MYRF: variants seen among roughly 807,000 people sequenced by gnomAD.
MYRF encodes the protein myelin regulatory factor.
A neutral mutation model predicts 126.3 loss-of-function variants in MYRF; 16 were observed. The observed-to-expected ratio is 0.13, with a 90% CI of 0.09 to 0.19. The LOEUF is 0.19. Ranked by LOEUF, MYRF falls within the 10% of genes least tolerant of loss-of-function variation. The probability of loss-of-function intolerance (pLI) is 1.00; values close to 1 mark genes in which losing one functional copy is unlikely to be tolerated. For synonymous variants in MYRF, 608 were observed against 635.3 expected, an observed-to-expected ratio of 0.96 and a Z score of 0.65; for missense variants, 1,104 against 1,547.0, an observed-to-expected ratio of 0.71 and a Z score of 4.80.
rs1273506380 is a variant in MYRF, at chr11:61,771,878, C to T, written c.1041C>T (p.Asn347=). The change falls in exon 7 of 27, where the codon AAC becomes AAT. Residue 347 remains asparagine, a synonymous_variant. Coordinates refer to ENST00000278836, the MANE Select transcript of MYRF (RefSeq NM_001127392.3). ...DSLSGSYLDP[N]YQSIKWQPHQ... ...TCAGTGGCTCCTACCTGGACCCCAA[C>T]TACCAGTCCATCAAGTGGCAGCCTC... 1 of 1,614,160 alleles carries T rather than the reference C, an allele frequency of 6.2e-7. No homozygotes were observed. Among genetic ancestry groups the T allele is most frequent in the East Asian group, 2.2e-5 (1 of 44,884 alleles).
In MYRF at chr11:61,783,621, T is replaced by G; in HGVS notation, c.3119+21T>G. On this transcript the variant is annotated intron_variant, in intron 23 of 26. Transcript: ENST00000278836. The surrounding 1 kb of genome is among the most constrained non-coding windows in gnomAD (Gnocchi z 4.6). Reference sequence around the variant, plus strand: ...TGCAGGTGGGCTGGGCTCCCTCCCCTCACCCAGGGAGGTCCTCAGGTGACA... The same window carrying G: ...TGCAGGTGGGCTGGGCTCCCTCCCCGCACCCAGGGAGGTCCTCAGGTGACA... 1 of 1,595,412 alleles carries G rather than the reference T, an allele frequency of 6.3e-7. No individual in the cohort carries two copies. Among genetic ancestry groups the G allele is most frequent in the Non-Finnish European group, 8.6e-7 (1 of 1,164,170 alleles).
chr11:61,778,507 T>A lies in MYRF; in HGVS notation c.2013+18T>A, dbSNP rs183921101. On this transcript the variant is annotated intron_variant, in intron 14 of 26. Transcript: ENST00000278836. This position sits in a 1 kb window ranked among gnomAD's most constrained non-coding sequence, Gnocchi z 4.6. ...TGAACAAGGTCTGTGGGTGGGGGAA[T>A]GGGAGGGAGCCCAGAGGCAAGTGGG... 1.1e-3 allele frequency: 1,678 copies of A among 1,578,308 alleles called. 15 individuals carry two copies. In the African/African-American group the frequency reaches 0.019, roughly 18 times the overall value.
intron 22 of MYRF, chr11:61,782,504 G>A (rs2066578959): frequency 6.6e-6 from 1 of 152,296 alleles, no homozygotes; most frequent in South Asian, 2.1e-4. Context: ...TGAGCTGCCT[G>A]CCACTCTGTG....
chr11:61,778,942 C>T lies in MYRF; in HGVS notation c.2014-321C>T, dbSNP rs139043397. On this transcript the variant is annotated intron_variant, in intron 14 of 26. Coordinates refer to ENST00000278836, the MANE Select transcript of MYRF (RefSeq NM_001127392.3). This position sits in a 1 kb window ranked among gnomAD's most constrained non-coding sequence, Gnocchi z 4.6. Reference sequence around the variant, plus strand: ...GCTGACATCTGAGACACCAGTCATCCGAGGGGCAGATCCCGGGGCTGCAGC... The same window carrying T: ...GCTGACATCTGAGACACCAGTCATCTGAGGGGCAGATCCCGGGGCTGCAGC... 5.0e-4 allele frequency: 300 copies of T among 600,560 alleles called. 2 individuals are homozygous for T. The East Asian group carries it at 9.1e-3, about 18-fold the overall frequency. The allele number at this position is 600,560 out of a possible 1,614,324, so 37.2% of individuals were successfully genotyped here. A position where few individuals can be genotyped will look rare whatever the true frequency, so the allele number is the denominator to read the frequency against.
chr11:61,770,412 C>G lies in MYRF; in HGVS notation c.627C>G (p.Ala209=). Residue 209 remains alanine, a synonymous_variant, in exon 5 of 27, where the codon GCC becomes GCG. Transcript: ENST00000278836. ...TGCAGCGGGATCTGTACATGAAGGC[C>G]GAGCCCCCGATCCCCCACTACGCTG... The part of the protein sequence containing the change: ...PVLQRDLYMK[A]EPPIPHYAAM... 1.3e-6 allele frequency: 2 copies of G among 1,551,794 alleles called. No individual in the cohort carries two copies. The highest frequency in any genetic ancestry group is 1.4e-5 in the African/African-American group (1 of 73,334).
At chr11:61,752,896 G>A in intron 1 of MYRF, 106 bp downstream of exon 1, 1 of 1,148,804 alleles carries the variant, frequency 8.7e-7, no homozygotes, top group Non-Finnish European at 1.2e-6. Flanking sequence ...CCTCTGGCTG[G>A]GACCCTCCTT....
At chr11:61,774,619 C>T (rs926584924) in intron 8 of MYRF, among the ~76,000 whole-genome samples, 8 of 151,866 alleles carry the variant, frequency 5.3e-5, no homozygotes, top group East Asian at 1.9e-4. Context: ...CCCGCCCTCC[C>T]GCCTTTTATC....
chr11:61,761,232 C>G (rs938202992), intron 1 of MYRF, among the ~76,000 whole-genome samples: 6 of 144,020 alleles, frequency 4.2e-5, no homozygotes, highest in Non-Finnish European at 7.5e-5. Flanking sequence ...GGACAATGGC[C>G]GAGACTCAGC....
chr11:61,782,777 G>A (rs761495816), intron 22 of MYRF: 4 of 152,206 alleles, frequency 2.6e-5, no homozygotes, highest in African/African-American at 7.2e-5. Context: ...CTTCCATCTC[G>A]TCTGTATCTG....
chr11:61,785,728 C>T lies in MYRF; in HGVS notation c.3301-72C>T, dbSNP rs2066676674. 5.3e-6 allele frequency: 7 copies of T among 1,309,084 alleles called. No homozygotes were observed. In the South Asian group the frequency reaches 6.0e-5, roughly 11 times the overall value. The allele number at this position is 1,309,084 out of a possible 1,614,324, so 81.1% of individuals were successfully genotyped here. On this transcript the variant is annotated intron_variant, in intron 25 of 26. Coordinates refer to ENST00000278836, the MANE Select transcript of MYRF (RefSeq NM_001127392.3). Reference sequence around the variant, plus strand: ...CTCCCCACAGACCCCAGGACTGCGACGGCCGTGGTGAGAGATGCTGGTTGG... The same window carrying T: ...CTCCCCACAGACCCCAGGACTGCGATGGCCGTGGTGAGAGATGCTGGTTGG...
Position 61,776,124 on chromosome 11 carries a change from C to G in MYRF, c.1380C>G (p.Asn460Lys), listed in dbSNP as rs772564180. 4 of 1,614,072 alleles carry G rather than the reference C, an allele frequency of 2.5e-6. No individual in the cohort carries two copies. The highest frequency in any genetic ancestry group is 3.4e-6 in the Non-Finnish European group (4 of 1,179,958). Reference protein sequence around the residue: ...SQSDRSKRPFNPVTVNLPPEQ... With the variant: ...SQSDRSKRPFKPVTVNLPPEQ... Reference sequence around the variant, plus strand: ...CAGACCGGAGCAAGCGGCCCTTCAACCCGGTCACGTGAGTGTCTGACCCTG... The same window carrying G: ...CAGACCGGAGCAAGCGGCCCTTCAAGCCGGTCACGTGAGTGTCTGACCCTG... The change falls in exon 9 of 27, where the codon AAC (asparagine) becomes AAG (lysine). Residue 460 changes from asparagine (N) to lysine (K), a missense_variant. Transcript: ENST00000278836. This position sits in a 1 kb window ranked among gnomAD's most constrained non-coding sequence, Gnocchi z 4.3.
intron 25 of MYRF, 168 bp downstream of exon 25, chr11:61,784,553 C>T (rs796956581): frequency 1.5e-5 from 9 of 608,590 alleles, no homozygotes; most frequent in Middle Eastern, 4.4e-4. Context: ...GAGGGGCACG[C>T]GTGCCCGTGT....
At chr11:61,784,062 AT>A in intron 24 of MYRF, 137 bp downstream of exon 24, 2 of 1,139,474 alleles carry the variant, frequency 1.8e-6, no homozygotes, top group African/African-American at 1.5e-5. Context: ...TGCTGACTTC[AT>A]TGCCTACTTC....
chr11:61,771,664 C>T lies in MYRF; in HGVS notation c.905C>T (p.Pro302Leu), dbSNP rs143193141. ...TCGCCACCCTGGCCTCCCCAGGGTC[C>T]GCTCTCCCCGGGCCCTGGTTCCTTG... ...APSPPWPPQG[P>L]LSPGPGSLPL... The change falls in exon 6 of 27, where the codon CCG (proline) becomes CTG (leucine). Residue 302 changes from proline to leucine, a missense_variant. By Grantham distance (98) the Pro-to-Leu change is moderately conservative (BLOSUM62 -3). Transcript: ENST00000278836. 3.2e-4 allele frequency: 519 copies of T among 1,613,886 alleles called. 2 individuals are homozygous for T. The highest frequency in any genetic ancestry group is 2.9e-3 in the Admixed American group (173 of 60,024).
At position 61,776,189 on chromosome 11, in the gene MYRF, C is replaced by T; in HGVS notation, c.1388+57C>T. ...TAGAAGGGTCCACAACTAAAGCTGG[C>T]TTGGGAATGGAGGGGCCAGGGAGGT... On this transcript the variant is annotated intron_variant, in intron 9 of 26. Coordinates refer to ENST00000278836, the MANE Select transcript of MYRF (RefSeq NM_001127392.3). This position sits in a 1 kb window ranked among gnomAD's most constrained non-coding sequence, Gnocchi z 4.3. 1 of 1,603,024 alleles carries T rather than the reference C, an allele frequency of 6.2e-7. No homozygotes were observed.
intron 1 of MYRF, among the ~76,000 whole-genome samples, chr11:61,755,102 A>G (rs913848270): frequency 6.6e-6 from 1 of 152,290 alleles, no homozygotes; most frequent in South Asian, 2.1e-4. Flanking sequence ...GACAGTGGGT[A>G]GCAGTCCCTG....
At chr11:61,767,199 T>G (rs1211982482) in intron 3 of MYRF, 3 of 456,642 alleles carry the variant, frequency 6.6e-6, no homozygotes, top group Non-Finnish European at 1.3e-5. Flanking sequence ...GAACCTTTGC[T>G]GCAGAAGGCA....
chr11:61,783,430 C>G lies in MYRF; in HGVS notation c.3017-68C>G, dbSNP rs1262648934. The G allele has an allele frequency of 7.8e-6, 10 of 1,276,028 alleles. No homozygotes were observed. The highest frequency in any genetic ancestry group is 1.0e-5 in the Non-Finnish European group (9 of 884,526). 79.0% of individuals were successfully genotyped at this position (1,276,028 alleles called of 1,614,324 possible). On this transcript the variant is annotated intron_variant, in intron 22 of 26. Coordinates refer to ENST00000278836, the MANE Select transcript of MYRF (RefSeq NM_001127392.3). The surrounding 1 kb of genome is among the most constrained non-coding windows in gnomAD (Gnocchi z 4.6). ...TAAGGTGTGAGTGACTGCTTCAAGT[C>G]TGGCAAGGAAAGACTTGCCAGCTTC...
chr11:61,761,308 G>C (rs1253705154), intron 1 of MYRF, among the ~76,000 whole-genome samples: 2 of 151,826 alleles, frequency 1.3e-5, no homozygotes, highest in Non-Finnish European at 2.9e-5. Context: ...GAGGGGTCCT[G>C]GGTGGAGGGA....
Sources: allele counts gnomAD v4.1 joint callset (sites outside exome capture counted in the v4.1 genomes callset), GRCh38; gene constraint gnomAD v4.1.1; non-coding constraint Gnocchi (gnomAD v3.1); transcripts MANE v1.5; gene names NCBI Gene and HGNC (gene_info 2026-07-23, HGNC 2026-07-21).